The following SNX30 variants were observed in gnomAD, a reference collection of about 807,000 sequenced individuals.
SNX30 encodes the protein sorting nexin-30.
SNX30 carries 24 observed loss-of-function variants against 46.4 expected under a neutral mutation model. That is an observed-to-expected ratio of 0.52 (90% confidence interval 0.37 to 0.73). The LOEUF (loss-of-function observed/expected upper bound fraction) is 0.73. Among genes scored for constraint, SNX30 ranks in the 30% least tolerant of loss-of-function variants. The pLI is 0.00. For missense variants in SNX30, 533 were observed against 555.7 expected (o/e 0.96, Z 0.41); for synonymous variants, 189 against 211.5 (o/e 0.89, Z 0.92).
intron 1 of SNX30, among the ~76,000 whole-genome samples, chr9:112,777,208 T>C (rs1209708244): frequency 1.3e-5 from 2 of 152,170 alleles, no homozygotes; most frequent in Non-Finnish European, 2.9e-5. Flanking sequence ...TCCGTTCCTG[T>C]TTTCTGGCTT....
chr9:112,761,735 G>T (rs957528799), intron 1 of SNX30, among the ~76,000 whole-genome samples: 2 of 152,136 alleles, frequency 1.3e-5, no homozygotes, highest in African/African-American at 4.8e-5. Context: ...TAAAGATGAC[G>T]TGGACACGGT....
At chr9:112,875,007 T>C (rs1371857586), downstream of SNX30, 1 of 152,224 alleles carries the variant, frequency 6.6e-6, no homozygotes, top group Non-Finnish European at 1.5e-5. Flanking sequence ...ATGTCCTCAT[T>C]TGTACCTTTT....
chr9:112,759,699 A>G (rs1839407774), intron 1 of SNX30, among the ~76,000 whole-genome samples: 2 of 149,082 alleles, frequency 1.3e-5, no homozygotes, highest in African/African-American at 2.5e-5. Context: ...ACTGCACTCT[A>G]GCCTGGCGAC....
intron 6 of SNX30, among the ~76,000 whole-genome samples, 172 bp downstream of exon 6, chr9:112,838,869 G>A (rs73656444): frequency 2.3e-3 from 347 of 152,234 alleles, no homozygotes; most frequent in African/African-American, 7.8e-3. Flanking sequence ...CATGGTGAAC[G>A]AAGTACGTGA....
At chr9:112,837,063 A>G (rs1457461525) in intron 5 of SNX30, among the ~76,000 whole-genome samples, 1 of 152,206 alleles carries the variant, frequency 6.6e-6, no homozygotes, top group Non-Finnish European at 1.5e-5. Flanking sequence ...AAATGATCGC[A>G]CTGGCATGGG....
chr9:112,753,989 G>C (rs754285076), intron 1 of SNX30, among the ~76,000 whole-genome samples: 5 of 152,184 alleles, frequency 3.3e-5, no homozygotes, highest in Non-Finnish European at 7.3e-5. Context: ...AGGGGTGTTA[G>C]GACAGTTCAG....
At chr9:112,826,842 C>T in intron 3 of SNX30, among the ~76,000 whole-genome samples, 1 of 152,208 alleles carries the variant, frequency 6.6e-6, no homozygotes, top group Non-Finnish European at 1.5e-5. Context: ...TCCTAAAGGA[C>T]AGCCATATCC....
chr9:112,864,376 A>C lies in SNX30; in HGVS notation c.1231A>C (p.Lys411Gln). 1 of 1,614,238 alleles carries C rather than the reference A, an allele frequency of 6.2e-7. No homozygotes were observed. The highest frequency in any genetic ancestry group is 8.5e-7 in the Non-Finnish European group (1 of 1,180,038). Residue 411 changes from lysine (K) to glutamine (Q), a missense_variant, in exon 8 of 9, where the codon AAG (lysine) becomes CAG (glutamine). Coordinates refer to ENST00000374232, the MANE Select transcript of SNX30 (RefSeq NM_001012994.2). ...FRQLLMGMAD[K>Q]NIQYYEKCLM... is the part of the protein sequence containing the mutation. ...GCAGCTACTCATGGGGATGGCTGAC[A>C]AGAACATCCAGTATTATGAGAAGGT...
rs1284747511 is a variant in SNX30, at chr9:112,765,345, G to C, written c.156+14188G>C. On this transcript the variant is annotated intron_variant, in intron 1 of 8. Transcript: ENST00000374232. ...CCCTTTTAAAGCATACATTTTAGTG[G>C]TTTTGAATATATTCACAAGATAATG... Among the ~76,000 whole-genome samples, 5 of 152,146 alleles carry C rather than the reference G, an allele frequency of 3.3e-5. No homozygotes were observed. The East Asian group carries it at 9.6e-4, about 29-fold the overall frequency.
chr9:112,852,658 G>A (rs1471032673), intron 7 of SNX30, among the ~76,000 whole-genome samples: 2 of 152,230 alleles, frequency 1.3e-5, no homozygotes, highest in African/African-American at 4.8e-5. Context: ...AGCACTGGTA[G>A]AGCTAGGATG....
chr9:112,811,931 C>T (rs1043857646), intron 2 of SNX30, among the ~76,000 whole-genome samples: 5 of 152,164 alleles, frequency 3.3e-5, no homozygotes, highest in Non-Finnish European at 7.4e-5. Flanking sequence ...GAAAAATTTA[C>T]TACAAACTTA....
intron 1 of SNX30, among the ~76,000 whole-genome samples, chr9:112,793,516 A>T (rs1406652160): frequency 3.3e-5 from 5 of 152,202 alleles, no homozygotes; most frequent in Non-Finnish European, 2.9e-5. Context: ...CCCCACTGCC[A>T]AACCTTCCAT....
intron 1 of SNX30, among the ~76,000 whole-genome samples, chr9:112,804,290 G>T (rs948013029): frequency 2.0e-5 from 3 of 152,080 alleles, no homozygotes; most frequent in Admixed American, 1.3e-4. Context: ...TCAGCTTCCC[G>T]AGTAGCTGGG....
intron 1 of SNX30, among the ~76,000 whole-genome samples, chr9:112,796,636 A>T (rs1840112756): frequency 6.6e-6 from 1 of 152,190 alleles, no homozygotes; most frequent in Non-Finnish European, 1.5e-5. Context: ...ACCTTCTGTG[A>T]AAAATGGTAC....
intron 1 of SNX30, among the ~76,000 whole-genome samples, chr9:112,788,462 C>T (rs7846768): frequency 0.013 from 1,944 of 152,186 alleles, 42 homozygotes; most frequent in African/African-American, 0.045. Flanking sequence ...AGGAATTGGG[C>T]GAAGGGTAGG....
At chr9:112,835,390 C>T (rs547888878) in intron 4 of SNX30, among the ~76,000 whole-genome samples, 155 of 152,260 alleles carry the variant, frequency 1.0e-3, no homozygotes, top group Middle Eastern at 6.8e-3. Context: ...ATTGCAACCT[C>T]TGCCTTCCAG....
At chr9:112,811,554 C>T (rs1242277974) in intron 2 of SNX30, among the ~76,000 whole-genome samples, 1 of 151,866 alleles carries the variant, frequency 6.6e-6, no homozygotes. Flanking sequence ...TGTTGAACTT[C>T]TGAAGGAAAA....
At position 112,858,929 on chromosome 9, in the gene SNX30, T is replaced by C. The variant is rs375639567; in HGVS notation, c.1102-5318T>C. ...CCCTCCATATATTTAAACAAGATTATACTGTGGTAAAATATACAGAATATA... is the reference window on the plus strand; with the variant it reads ...CCCTCCATATATTTAAACAAGATTACACTGTGGTAAAATATACAGAATATA... On this transcript the variant is annotated intron_variant, in intron 7 of 8. Coordinates refer to ENST00000374232, the MANE Select transcript of SNX30 (RefSeq NM_001012994.2). 7.9e-4 allele frequency among the ~76,000 whole-genome samples: 120 copies of C among 152,332 alleles called. 1 individual carries two copies. Among genetic ancestry groups the C allele is most frequent in the African/African-American group, 2.5e-3 (105 of 41,584 alleles).
At chr9:112,855,390 G>A (rs1007273861) in intron 7 of SNX30, among the ~76,000 whole-genome samples, 6 of 152,148 alleles carry the variant, frequency 3.9e-5, no homozygotes, top group South Asian at 2.1e-4. Context: ...CAGAAGATCC[G>A]AGGGAGTCTG....
Sources: allele counts gnomAD v4.1 joint callset (sites outside exome capture counted in the v4.1 genomes callset), GRCh38; gene constraint gnomAD v4.1.1; transcripts MANE v1.5; gene names NCBI Gene and HGNC (gene_info 2026-07-23, HGNC 2026-07-21).